Variants in NAA11 observed in about 807,000 individuals in gnomAD.
The protein encoded by NAA11 is N-alpha-acetyltransferase 11, NatA catalytic subunit.
A neutral mutation model predicts 16.1 loss-of-function variants in NAA11; 15 were observed. That is an observed-to-expected ratio of 0.93 (90% confidence interval 0.62 to 1.44). The LOEUF (loss-of-function observed/expected upper bound fraction) is 1.44, where lower values mean the gene tolerates loss of function less well. Ranked by LOEUF, NAA11 falls within the 40% of genes most tolerant of loss-of-function variation. NAA11 has a pLI of 0.00. For synonymous variants in NAA11, 122 were observed against 112.4 expected (o/e 1.09, Z -0.54); for missense variants, 298 against 291.3 (o/e 1.02, Z -0.17).
chr4:79,167,132 T>TTATATATATATA, the NAA11 span, among the ~76,000 whole-genome samples: 287 of 17,262 alleles, frequency 0.017, 47 homozygotes, highest in African/African-American at 0.033. Context: ...ACAGCTTATT[T>TTATATATATATA]TATATATATA....
At chr4:79,165,520 A>G in the NAA11 span, among the ~76,000 whole-genome samples, 3 of 152,210 alleles carry the variant, frequency 2.0e-5, no homozygotes, top group East Asian at 5.8e-4. Flanking sequence ...TTGTGTTGAC[A>G]TATGCTGGAG....
At chr4:79,192,925 T>C in the NAA11 span, among the ~76,000 whole-genome samples, 4 of 152,188 alleles carry the variant, frequency 2.6e-5, no homozygotes, top group African/African-American at 9.7e-5. Flanking sequence ...CCATTCTAAC[T>C]GGTATGAGAT....
the NAA11 span, among the ~76,000 whole-genome samples, chr4:79,204,066 T>C: frequency 6.6e-6 from 1 of 151,866 alleles, no homozygotes; most frequent in South Asian, 2.1e-4. Context: ...GTATGTAAAT[T>C]GATATAACTT....
Position 79,233,707 on chromosome 4 carries a change from G to A in NAA11, c.*123-7437C>T, listed in dbSNP as rs533362290. Among the ~76,000 whole-genome samples, 4 of 152,138 alleles carry A rather than the reference G, an allele frequency of 2.6e-5. No homozygotes were observed. In the East Asian group the frequency reaches 5.8e-4, roughly 22 times the overall value. ...GTTTGCCTCTGGTATATAAAATTTA[G>A]ATAAAATTACCTTTTCCTGCACTCT... On this transcript the variant is annotated intron_variant and NMD_transcript_variant, in intron 2 of 2. Coordinates refer to the NAA11 transcript ENST00000511542.
chr4:79,260,953 C>T (rs749649313), intron 2 of NAA11, among the ~76,000 whole-genome samples: 1 of 152,118 alleles, frequency 6.6e-6, no homozygotes, highest in Non-Finnish European at 1.5e-5. Context: ...GTTATAAAAA[C>T]CAATTGTAAA....
At chr4:79,181,012 T>C in the NAA11 span, among the ~76,000 whole-genome samples, 1 of 151,750 alleles carries the variant, frequency 6.6e-6, no homozygotes, top group Non-Finnish European at 1.5e-5. Flanking sequence ...TTCTCACTCA[T>C]AGGTGGCGAC....
At chr4:79,305,658 A>G (rs998546798) in intron 1 of NAA11, among the ~76,000 whole-genome samples, 1 of 152,188 alleles carries the variant, frequency 6.6e-6, no homozygotes, top group Non-Finnish European at 1.5e-5. Context: ...CATAGAAGCA[A>G]GAAGATGTGA....
rs1029729398 is a variant in NAA11 at position 79,325,358 on chromosome 4, A to G, written c.520T>C (p.Ser174Pro). 6.8e-6 allele frequency: 11 copies of G among 1,613,870 alleles called. No individual in the cohort carries two copies. The highest frequency in any genetic ancestry group is 4.2e-6 in the Non-Finnish European group (5 of 1,179,910). The change falls in exon 1 of 2, where the codon TCC becomes CCC. Residue 174 changes from serine (S) to proline (P), a missense_variant. By Grantham distance (74) the Ser-to-Pro change is moderately conservative. Transcript: ENST00000286794. Reference sequence around the variant, plus strand: ...CCCTGGGTCTCCTGGTTCTCCCTGGAGCCCAGGACCACATACCCGCCCTTC... The same window carrying G: ...CCCTGGGTCTCCTGGTTCTCCCTGGGGCCCAGGACCACATACCCGCCCTTC... ...LKKGGYVVLG[S>P]RENQETQGST...
intron 2 of NAA11, among the ~76,000 whole-genome samples, chr4:79,247,622 G>A (rs1385055): frequency 0.72 from 109,042 of 151,840 alleles, 41,134 homozygotes; most frequent in East Asian, 0.89. Context: ...TAAGACTGGC[G>A]CACTCCAAGC....
At chr4:79,183,708 C>A in the NAA11 span, among the ~76,000 whole-genome samples, 554 of 151,936 alleles carry the variant, frequency 3.6e-3, 4 homozygotes, top group African/African-American at 0.013. Context: ...TCTGAACTTG[C>A]AAGCATATTT....
chr4:79,167,499 G>A, the NAA11 span, among the ~76,000 whole-genome samples: 1 of 151,924 alleles, frequency 6.6e-6, no homozygotes, highest in Non-Finnish European at 1.5e-5. Flanking sequence ...GGGGAGTCAT[G>A]AGGATTAAAT....
intron 2 of NAA11, among the ~76,000 whole-genome samples, chr4:79,244,206 C>A (rs557485378): frequency 1.3e-5 from 2 of 152,150 alleles, no homozygotes; most frequent in Non-Finnish European, 2.9e-5. Flanking sequence ...AGAGGCATTG[C>A]GATAATTGCC....
chr4:79,224,924 C>G (rs1356357087), downstream of NAA11, among the ~76,000 whole-genome samples: 7 of 151,950 alleles, frequency 4.6e-5, no homozygotes, highest in Non-Finnish European at 1.0e-4. Flanking sequence ...AAAGATCCGA[C>G]CAGTACTTCT....
the NAA11 span, among the ~76,000 whole-genome samples, chr4:79,192,995 T>C: frequency 6.6e-6 from 1 of 152,236 alleles, no homozygotes; most frequent in Admixed American, 6.5e-5. Flanking sequence ...TGAGCATTTT[T>C]TCATGTGTCT....
intron 2 of NAA11, among the ~76,000 whole-genome samples, chr4:79,251,517 A>G (rs1291326561): frequency 6.6e-6 from 1 of 152,214 alleles, no homozygotes. Context: ...AAAACTTCCT[A>G]CTGGGAACTG....
chr4:79,299,179 T>C (rs1723315248), intron 1 of NAA11: 1 of 152,230 alleles, frequency 6.6e-6, no homozygotes, highest in Non-Finnish European at 1.5e-5. Flanking sequence ...CACTAAACTT[T>C]AGAGCAGGTA....
At chr4:79,263,126 T>C (rs1722274743) in intron 2 of NAA11, among the ~76,000 whole-genome samples, 1 of 151,960 alleles carries the variant, frequency 6.6e-6, no homozygotes, top group South Asian at 2.1e-4. Context: ...ACAAGAAAAA[T>C]CGTGGTATTT....
chr4:79,181,607 A>G, the NAA11 span, among the ~76,000 whole-genome samples: 1 of 152,194 alleles, frequency 6.6e-6, no homozygotes, highest in African/African-American at 2.4e-5. Context: ...GGGGCACATT[A>G]TAGTTAAGTT....
chr4:79,185,452 A>T, the NAA11 span, among the ~76,000 whole-genome samples: 1 of 152,220 alleles, frequency 6.6e-6, no homozygotes, highest in African/African-American at 2.4e-5. Flanking sequence ...CCAAAGTGGC[A>T]CTTTTCAAAG....
Sources: allele counts gnomAD v4.1 joint callset (sites outside exome capture counted in the v4.1 genomes callset), GRCh38; gene constraint gnomAD v4.1.1; transcripts MANE v1.5; gene names NCBI Gene and HGNC (gene_info 2026-07-23, HGNC 2026-07-21).